Variants in KIF16B observed in about 807,000 individuals in gnomAD.
KIF16B encodes kinesin-like protein KIF16B.
In KIF16B, 98 loss-of-function variants were observed where a neutral mutation model predicts 156.3. The ratio of observed to expected loss-of-function variants is 0.63; its 90% CI spans 0.53 to 0.74. The LOEUF is 0.74. Ranked by LOEUF, KIF16B falls within the 30% of genes least tolerant of loss-of-function variation. The pLI, the probability that KIF16B is intolerant of heterozygous loss-of-function variation, is 0.00. For missense variants in KIF16B, 1,421 were observed against 1,606.5 expected (o/e 0.88, Z 1.97); for synonymous variants, 564 against 583.7 (o/e 0.97, Z 0.49).
chr20:16,435,786 TG>T (rs2066626670), intron 12 of KIF16B, among the ~76,000 whole-genome samples: 1 of 152,186 alleles, frequency 6.6e-6, no homozygotes, highest in Admixed American at 6.5e-5. Context: ...TGATTTTCAG[TG>T]GGGTCTATTC....
intron 12 of KIF16B, among the ~76,000 whole-genome samples, chr20:16,434,486 T>C (rs2066589713): frequency 7.7e-6 from 1 of 129,834 alleles, no homozygotes; most frequent in African/African-American, 3.0e-5. Flanking sequence ...ATACAAAAAC[T>C]TACCAACAAC....
rs374194717 is a variant in KIF16B, at chr20:16,273,341, C to T, written c.3866G>A (p.Gly1289Glu). The T allele has an allele frequency of 2.5e-6, 4 of 1,613,328 alleles. No individual in the cohort carries two copies. The African/African-American group carries it at 5.3e-5, about 22-fold the overall frequency. ...ATSPLHINKV[G>E]LTLSKHTICE... The stretch of plus-strand genomic sequence containing the variant: ...AATGGTATGTTTCGAGAGAGTCAGT[C>T]CCACTTTGTTGATGTGGAGGGGAGA... Residue 1289 changes from glycine (G) to glutamate (E), a missense_variant, in exon 26 of 26, where the codon GGA (glycine) becomes GAA (glutamate). Transcript: ENST00000354981.
In KIF16B at chr20:16,289,713, C is replaced by T. The variant is rs1047929807; in HGVS notation, c.3796-16302G>A. ...AAAATTAGCCGGGCGCAGTGGCGGGCGCCTGTACTCCCAGCTACTCGGGAG... is the reference window on the plus strand; with the variant it reads ...AAAATTAGCCGGGCGCAGTGGCGGGTGCCTGTACTCCCAGCTACTCGGGAG... On this transcript the variant is annotated intron_variant, in intron 25 of 25. Coordinates refer to ENST00000354981, the MANE Select transcript of KIF16B (RefSeq NM_024704.5). 9.2e-5 allele frequency among the ~76,000 whole-genome samples: 14 copies of T among 152,106 alleles called. No individual in the cohort carries two copies. The East Asian group carries it at 9.7e-4, about 11-fold the overall frequency.
intron 24 of KIF16B, among the ~76,000 whole-genome samples, chr20:16,325,209 A>G (rs1481024976): frequency 6.6e-6 from 1 of 152,086 alleles, no homozygotes; most frequent in Non-Finnish European, 1.5e-5. Context: ...TGAACAGAGA[A>G]AAGGTGAAAG....
chr20:16,316,215 G>A (rs1273342060), intron 24 of KIF16B, among the ~76,000 whole-genome samples: 5 of 152,162 alleles, frequency 3.3e-5, no homozygotes, highest in Non-Finnish European at 5.9e-5. Flanking sequence ...TGCTAGGGTC[G>A]CTTCATTTTC....
chr20:16,447,726 T>C (rs1408796790), intron 12 of KIF16B, among the ~76,000 whole-genome samples: 1 of 152,200 alleles, frequency 6.6e-6, no homozygotes, highest in Non-Finnish European at 1.5e-5. Context: ...ATTTCTGTTT[T>C]AGATGAAATG....
chr20:16,402,179 T>C (rs1235085309), intron 17 of KIF16B, among the ~76,000 whole-genome samples: 1 of 152,210 alleles, frequency 6.6e-6, no homozygotes, highest in African/African-American at 2.4e-5. Flanking sequence ...CTTTCTGTTT[T>C]ATGAGTGTCA....
intron 12 of KIF16B, among the ~76,000 whole-genome samples, chr20:16,487,843 T>A (rs1482740387): frequency 6.6e-6 from 1 of 152,146 alleles, no homozygotes; most frequent in Non-Finnish European, 1.5e-5. Flanking sequence ...TACATTAGGA[T>A]CCCATCATCA....
chr20:16,517,849 TA>T (rs1257784787), intron 3 of KIF16B, among the ~76,000 whole-genome samples: 3 of 152,318 alleles, frequency 2.0e-5, no homozygotes, highest in African/African-American at 7.2e-5. Flanking sequence ...AAAAGTCTTC[TA>T]AAAACTTTTC....
At chr20:16,497,452 T>C (rs1369340599) in intron 11 of KIF16B, among the ~76,000 whole-genome samples, 161 bp downstream of exon 11, 1 of 152,226 alleles carries the variant, frequency 6.6e-6, no homozygotes, top group African/African-American at 2.4e-5. Context: ...ATACATAAAA[T>C]GTCAGCTATC....
intron 1 of KIF16B, among the ~76,000 whole-genome samples, chr20:16,568,609 T>C (rs989708911): frequency 3.3e-5 from 5 of 151,104 alleles, no homozygotes; most frequent in African/African-American, 1.2e-4. Context: ...AGCCCAGGAG[T>C]TTGAGACCAG....
chr20:16,338,756 C>T (rs2064086712), intron 23 of KIF16B, among the ~76,000 whole-genome samples: 1 of 152,176 alleles, frequency 6.6e-6, no homozygotes, highest in Non-Finnish European at 1.5e-5. Flanking sequence ...ATTTTAAAGT[C>T]ACAATTGCCA....
At chr20:16,571,752 C>CA (rs1180207170) in intron 1 of KIF16B, among the ~76,000 whole-genome samples, 1 of 151,946 alleles carries the variant, frequency 6.6e-6, no homozygotes, top group Non-Finnish European at 1.5e-5. Context: ...GCCTCAACCT[C>CA]ACGAGTAGCT....
At chr20:16,493,886 A>G (rs1234920350) in intron 12 of KIF16B, among the ~76,000 whole-genome samples, 4 of 152,218 alleles carry the variant, frequency 2.6e-5, no homozygotes, top group Non-Finnish European at 5.9e-5. Context: ...CTTTGCAAGC[A>G]TATTCTATAA....
chr20:16,361,015 T>A (rs527639785), intron 22 of KIF16B, among the ~76,000 whole-genome samples: 1 of 152,328 alleles, frequency 6.6e-6, no homozygotes, highest in East Asian at 1.9e-4. Context: ...ATACACATCA[T>A]GACAAGGTCT....
At chr20:16,413,008 C>T (rs541066568) in intron 15 of KIF16B, among the ~76,000 whole-genome samples, 1 of 151,936 alleles carries the variant, frequency 6.6e-6, no homozygotes, top group East Asian at 1.9e-4. Context: ...TTAATCTCTC[C>T]AGAATTCAGT....
intron 17 of KIF16B, among the ~76,000 whole-genome samples, chr20:16,387,658 T>C (rs1239724139): frequency 1.3e-5 from 2 of 152,118 alleles, no homozygotes; most frequent in Non-Finnish European, 2.9e-5. Context: ...AGGAAATGTC[T>C]GGAAGGGGAG....
chr20:16,538,011 C>T (rs570688763), intron 1 of KIF16B, among the ~76,000 whole-genome samples: 66 of 152,206 alleles, frequency 4.3e-4, no homozygotes, highest in African/African-American at 1.5e-3. Context: ...GCCCTACCCA[C>T]ATTTTCAAGT....
At chr20:16,282,148 C>T (rs1175146926) in intron 25 of KIF16B, among the ~76,000 whole-genome samples, 7 of 151,580 alleles carry the variant, frequency 4.6e-5, no homozygotes, top group Non-Finnish European at 7.4e-5. Flanking sequence ...CCTCCTGCCT[C>T]GGCCTCCTGA....
Sources: allele counts gnomAD v4.1 joint callset (sites outside exome capture counted in the v4.1 genomes callset), GRCh38; gene constraint gnomAD v4.1.1; transcripts MANE v1.5; gene names NCBI Gene and HGNC (gene_info 2026-07-23, HGNC 2026-07-21).